LINGO2: variants seen among roughly 807,000 people sequenced by gnomAD.
The protein encoded by LINGO2 is leucine rich repeat and Ig domain containing 2, also known as leucine-rich repeat and immunoglobulin-like domain-containing nogo receptor-interacting protein 2.
A neutral mutation model predicts 30.6 loss-of-function variants in LINGO2; 14 were observed. The observed-to-expected ratio is 0.46, with a 90% CI of 0.30 to 0.72. The LOEUF is 0.72. Ranked by LOEUF, LINGO2 falls within the 30% of genes least tolerant of loss-of-function variation. The pLI, the probability that LINGO2 is intolerant of heterozygous loss-of-function variation, is 0.07. For missense variants in LINGO2, 729 were observed against 751.7 expected (o/e 0.97, Z 0.35); for synonymous variants, 317 against 288.5 (o/e 1.10, Z -1.00).
At chr9:28,239,639 T>C (rs777243320) in intron 4 of LINGO2, among the ~76,000 whole-genome samples, 1 of 152,170 alleles carries the variant, frequency 6.6e-6, no homozygotes, top group Non-Finnish European at 1.5e-5. Context: ...TACCTCAACA[T>C]AATAAAATCT....
chr9:28,618,627 C>T (rs1175472486), intron 1 of LINGO2, among the ~76,000 whole-genome samples: 3 of 152,126 alleles, frequency 2.0e-5, no homozygotes, highest in African/African-American at 7.2e-5. Context: ...TATTCAGTTT[C>T]TTTCTATAAC....
intron 2 of LINGO2, among the ~76,000 whole-genome samples, chr9:28,463,409 T>C (rs563435569): frequency 1.3e-5 from 2 of 151,580 alleles, no homozygotes; most frequent in East Asian, 3.9e-4. Flanking sequence ...GAAAGAAAAA[T>C]GGGATGAAGA....
chr9:28,246,066 C>T (rs184062410), intron 4 of LINGO2, among the ~76,000 whole-genome samples: 3 of 152,066 alleles, frequency 2.0e-5, no homozygotes, highest in Non-Finnish European at 4.4e-5. Flanking sequence ...CTACAGTAAC[C>T]AAAACACTAT....
intron 4 of LINGO2, among the ~76,000 whole-genome samples, chr9:28,253,916 G>A (rs1165947753): frequency 6.6e-6 from 1 of 152,134 alleles, no homozygotes; most frequent in East Asian, 1.9e-4. Flanking sequence ...GAAGAGCCTG[G>A]CCCTTCCTCT....
chr9:28,607,955 T>A (rs1825760953), intron 1 of LINGO2, among the ~76,000 whole-genome samples: 1 of 151,976 alleles, frequency 6.6e-6, no homozygotes, highest in South Asian at 2.1e-4. Context: ...AAATAAAATA[T>A]CCCAGTTGCA....
intron 1 of LINGO2, among the ~76,000 whole-genome samples, chr9:28,571,988 G>A (rs1425865312): frequency 3.9e-5 from 6 of 152,100 alleles, no homozygotes; most frequent in Admixed American, 3.9e-4. Flanking sequence ...ATGCAGGATT[G>A]CCATAACCAC....
intron 4 of LINGO2, among the ~76,000 whole-genome samples, chr9:28,161,219 C>T (rs1027615065): frequency 2.0e-5 from 3 of 151,898 alleles, no homozygotes; most frequent in African/African-American, 7.3e-5. Flanking sequence ...TAAGATTTCT[C>T]AAGAAGATCC....
At chr9:28,221,113 C>T (rs1365498894) in intron 4 of LINGO2, among the ~76,000 whole-genome samples, 1 of 151,856 alleles carries the variant, frequency 6.6e-6, no homozygotes, top group African/African-American at 2.4e-5. Flanking sequence ...TCCTCGCTAA[C>T]ACGGTGAAAC....
At chr9:28,795,576 A>G in the LINGO2 span, among the ~76,000 whole-genome samples, 1 of 151,438 alleles carries the variant, frequency 6.6e-6, no homozygotes, top group African/African-American at 2.4e-5. Context: ...TATATCTTAT[A>G]TATCTTTCAT....
intron 4 of LINGO2, among the ~76,000 whole-genome samples, chr9:28,160,395 T>C (rs1828251746): frequency 6.6e-6 from 1 of 152,204 alleles, no homozygotes; most frequent in East Asian, 1.9e-4. Flanking sequence ...AAAAGAATTC[T>C]TCGCTGTCAA....
At position 28,167,117 on chromosome 9, in the gene LINGO2, T is replaced by C. The variant is rs566248021; in HGVS notation, c.-87+128091A>G. 4.0e-5 allele frequency among the ~76,000 whole-genome samples: 6 copies of C among 150,854 alleles called. No homozygotes were observed. The East Asian group carries it at 1.0e-3, about 25-fold the overall frequency. ...TCAAGGGAATGTATATGCAGATTCC[T>C]GGAGCTTTTACTTAATATAGCACCC... On this transcript the variant is annotated intron_variant, in intron 4 of 5. Transcript: ENST00000379992.
At chr9:28,888,729 C>A in the LINGO2 span, 2 of 415,238 alleles carry the variant, frequency 4.8e-6, no homozygotes, top group South Asian at 3.5e-5. Context: ...CAAGTTAACC[C>A]TTGCCTAACT....
intron 5 of LINGO2, among the ~76,000 whole-genome samples, chr9:27,971,899 G>C (rs766193627): frequency 1.3e-5 from 2 of 152,124 alleles, no homozygotes; most frequent in African/African-American, 2.4e-5. Context: ...ATTATATTTA[G>C]ATAGAGTGCT....
intron 1 of LINGO2, among the ~76,000 whole-genome samples, chr9:28,556,878 GA>G (rs1822731942): frequency 6.6e-6 from 1 of 151,900 alleles, no homozygotes; most frequent in Non-Finnish European, 1.5e-5. Flanking sequence ...AAAAACCTGA[GA>G]AAAACAAGCA....
At chr9:29,106,715 C>T in the LINGO2 span, among the ~76,000 whole-genome samples, 3 of 152,012 alleles carry the variant, frequency 2.0e-5, no homozygotes, top group African/African-American at 7.2e-5. Context: ...TAATTAAGCC[C>T]CTGTGATGTC....
chr9:28,128,092 GGCTT>G (rs1827289899), intron 4 of LINGO2, among the ~76,000 whole-genome samples: 1 of 152,164 alleles, frequency 6.6e-6, no homozygotes, highest in African/African-American at 2.4e-5. Context: ...TTAAAAGTCA[GGCTT>G]GCTTAATGGA....
chr9:28,463,887 C>T (rs1825185635), intron 2 of LINGO2, among the ~76,000 whole-genome samples: 1 of 152,108 alleles, frequency 6.6e-6, no homozygotes, highest in African/African-American at 2.4e-5. Context: ...TCACTCCTCC[C>T]TGTCACAATA....
chr9:28,837,702 T>A, the LINGO2 span, among the ~76,000 whole-genome samples: 815 of 118,336 alleles, frequency 6.9e-3, 19 homozygotes, highest in African/African-American at 0.024. Context: ...AGGGGATGCC[T>A]AAGGGTGCAG....
intron 4 of LINGO2, among the ~76,000 whole-genome samples, chr9:28,118,850 C>A (rs554310325): frequency 1.4e-4 from 22 of 152,104 alleles, no homozygotes; most frequent in Middle Eastern, 3.4e-3. Context: ...AGAAAATGAT[C>A]CTTGCCATGA....
Sources: allele counts gnomAD v4.1 joint callset (sites outside exome capture counted in the v4.1 genomes callset), GRCh38; gene constraint gnomAD v4.1.1; transcripts MANE v1.5; gene names NCBI Gene and HGNC (gene_info 2026-07-23, HGNC 2026-07-21).